Variants in CPNE4 observed in about 807,000 individuals in gnomAD.
CPNE4 encodes copine-4.
A neutral mutation model predicts 67.9 loss-of-function variants in CPNE4; 25 were observed. That is an observed-to-expected ratio of 0.37 (90% CI 0.27 to 0.51). The LOEUF (loss-of-function observed/expected upper bound fraction) is 0.51. CPNE4 is among the 20% of genes least tolerant of loss of function. The probability of loss-of-function intolerance (pLI) is 0.93; values close to 1 mark genes in which losing one functional copy is unlikely to be tolerated. For synonymous variants in CPNE4, 242 were observed against 244.9 expected, an observed-to-expected ratio of 0.99 and a Z score of 0.11; for missense variants, 464 against 690.8, an observed-to-expected ratio of 0.67 and a Z score of 3.68.
At chr3:131,619,329 G>C (rs1940336664) in intron 7 of CPNE4, among the ~76,000 whole-genome samples, 1 of 152,116 alleles carries the variant, frequency 6.6e-6, no homozygotes, top group Admixed American at 6.5e-5. Flanking sequence ...AATAGGGAAG[G>C]TCCTGGCACA....
intron 10 of CPNE4, among the ~76,000 whole-genome samples, chr3:131,571,561 C>T (rs996380314): frequency 9.9e-5 from 15 of 152,138 alleles, no homozygotes; most frequent in African/African-American, 3.4e-4. Context: ...TGATTGCTTT[C>T]AGTCTTCTCA....
At chr3:131,996,144 G>A (rs1254180737) in intron 1 of CPNE4, among the ~76,000 whole-genome samples, 2 of 152,134 alleles carry the variant, frequency 1.3e-5, no homozygotes, top group Non-Finnish European at 1.5e-5. Flanking sequence ...CACAGGACAC[G>A]ATAAAATGCT....
intron 10 of CPNE4, among the ~76,000 whole-genome samples, chr3:131,572,488 A>C (rs1937387437): frequency 1.3e-5 from 2 of 151,900 alleles, no homozygotes; most frequent in South Asian, 4.2e-4. Context: ...CTATTCTTTG[A>C]TCTCTGATGG....
chr3:131,942,469 A>T (rs1037799401), intron 1 of CPNE4, among the ~76,000 whole-genome samples: 3,647 of 40,636 alleles, frequency 0.09, 42 homozygotes, highest in Non-Finnish European at 0.096. Flanking sequence ...TGTGTGAGAG[A>T]GAGAGAGAGA....
intron 1 of CPNE4, among the ~76,000 whole-genome samples, chr3:131,939,320 G>A: frequency 6.6e-6 from 1 of 151,610 alleles, no homozygotes; most frequent in Non-Finnish European, 1.5e-5. Flanking sequence ...GCAATGAAGT[G>A]ATCTCCAGGA....
Position 131,911,337 on chromosome 3 carries a change from A to T in CPNE4, c.-1-5893T>A, listed in dbSNP as rs139412239. On this transcript the variant is annotated intron_variant, in intron 1 of 15. Coordinates refer to ENST00000429747, the MANE Select transcript of CPNE4 (RefSeq NM_130808.3). ...AGATCATTCTCCAGTTGAACCTCAG[A>T]TGTGACAGCAGCCCTGACTGACACC... Among the ~76,000 whole-genome samples, 11 of 152,296 alleles carry T rather than the reference A, an allele frequency of 7.2e-5. No individual in the cohort carries two copies. The East Asian group carries it at 2.1e-3, about 29-fold the overall frequency.
chr3:131,568,784 G>A (rs1370094230), intron 10 of CPNE4, among the ~76,000 whole-genome samples: 1 of 151,990 alleles, frequency 6.6e-6, no homozygotes, highest in Admixed American at 6.6e-5. Context: ...ATTCTTACAT[G>A]AAACAACCCC....
intron 2 of CPNE4, among the ~76,000 whole-genome samples, chr3:131,904,765 A>T (rs114386472): frequency 0.11 from 16,263 of 152,070 alleles, 958 homozygotes; most frequent in African/African-American, 0.15. Context: ...TAGGACTGTC[A>T]TCTACTGAGC....
chr3:131,572,031 C>G (rs992185334), intron 10 of CPNE4, among the ~76,000 whole-genome samples: 2 of 151,980 alleles, frequency 1.3e-5, no homozygotes, highest in Non-Finnish European at 1.5e-5. Flanking sequence ...CTAAATCTAA[C>G]CTCCCTTTGA....
intron 15 of CPNE4, 60 bp from the exon 16 acceptor site, chr3:131,535,389 T>C: frequency 6.5e-7 from 1 of 1,538,258 alleles, no homozygotes; most frequent in Non-Finnish European, 8.8e-7. Flanking sequence ...AGACTCATCC[T>C]AAAAGATTTG....
intron 2 of CPNE4, among the ~76,000 whole-genome samples, chr3:131,814,603 TTTTTTTTTTTTTTTTTTTTG>T: frequency 1.4e-5 from 1 of 73,222 alleles, no homozygotes; most frequent in Admixed American, 1.4e-4. Context: ...TTTTTTTTTT[TTTTTTTTTTTTTTTTTTTTG>T]AGACGGAGTC....
chr3:131,886,049 A>T (rs936104773), intron 2 of CPNE4, among the ~76,000 whole-genome samples: 3 of 152,100 alleles, frequency 2.0e-5, no homozygotes, highest in African/African-American at 7.2e-5. Flanking sequence ...GACAGTGGCA[A>T]AAATGTCTCC....
In CPNE4 at chr3:131,556,106, G is replaced by A. The variant is rs113002721; in HGVS notation, c.1062-555C>T. ...AAAAGCAATGGGGCCAGGTGCAGTG[G>A]CTCACTCCTGTAATCCCAGAACTTT... On this transcript the variant is annotated intron_variant, in intron 11 of 15. Transcript: ENST00000429747. Among the ~76,000 whole-genome samples, 1,223 of 152,120 alleles carry A rather than the reference G, an allele frequency of 8.0e-3. 7 individuals carry two copies. The highest frequency in any genetic ancestry group is 0.02 in the Middle Eastern group (6 of 294).
chr3:131,539,004 T>A (rs906511764), intron 15 of CPNE4: 3 of 152,236 alleles, frequency 2.0e-5, no homozygotes, highest in Admixed American at 6.5e-5. Context: ...ACTTGTGCCC[T>A]GTAAGCTCTA....
intron 2 of CPNE4, among the ~76,000 whole-genome samples, chr3:131,885,188 G>C (rs2087831269): frequency 6.6e-6 from 1 of 152,180 alleles, no homozygotes; most frequent in South Asian, 2.1e-4. Flanking sequence ...GTCTCAAATG[G>C]AGATGAGGAA....
chr3:131,781,515 A>G (rs2083431579), intron 2 of CPNE4, among the ~76,000 whole-genome samples: 1 of 152,148 alleles, frequency 6.6e-6, no homozygotes, highest in South Asian at 2.1e-4. Flanking sequence ...TAGCAGAGTG[A>G]TGTATAGTCT....
intron 7 of CPNE4, among the ~76,000 whole-genome samples, chr3:131,594,924 A>G (rs1938754248): frequency 6.6e-6 from 1 of 152,240 alleles, no homozygotes; most frequent in Non-Finnish European, 1.5e-5. Flanking sequence ...TATAGAAGGC[A>G]TACAAATGGC....
rs1000251174 is a variant in CPNE4 at position 131,960,088 on chromosome 3, C to T, written c.-1-54644G>A. Among the ~76,000 whole-genome samples the T allele has an allele frequency of 1.0e-4, 15 of 144,438 alleles. No individual in the cohort carries two copies. In the South Asian group the frequency reaches 1.8e-3, roughly 17 times the overall value. The allele number at this position is 144,438 out of a possible 152,430, so 94.8% of individuals were successfully genotyped here. A position where few individuals can be genotyped will look rare whatever the true frequency, so the allele number is the denominator to read the frequency against. On this transcript the variant is annotated intron_variant, in intron 1 of 15. Coordinates refer to ENST00000429747, the MANE Select transcript of CPNE4 (RefSeq NM_130808.3). ...CATGAGCGAGACAGAGTGAGATAAG[C>T]GAGAGAGGGAGAGAGGAAAGCAGAG...
chr3:131,816,809 T>C (rs1266372802), intron 2 of CPNE4, among the ~76,000 whole-genome samples: 1 of 152,200 alleles, frequency 6.6e-6, no homozygotes, highest in Non-Finnish European at 1.5e-5. Flanking sequence ...CTTCTACCCC[T>C]ACCCTATAAT....
Sources: gnomAD v4.1 joint callset for allele counts (sites outside exome capture counted in the v4.1 genomes callset) on GRCh38, gnomAD v4.1.1 for gene constraint, MANE v1.5 for transcripts, NCBI Gene and HGNC (gene_info 2026-07-23, HGNC 2026-07-21) for gene names.